The following NRXN3 variants were observed in gnomAD, a reference collection of about 807,000 sequenced individuals.
The protein encoded by NRXN3 is neurexin 3, also known as neurexin III.
In NRXN3, 32 loss-of-function variants were observed where a neutral mutation model predicts 137.6. The ratio of observed to expected loss-of-function variants is 0.23; its 90% CI spans 0.18 to 0.31. The LOEUF (loss-of-function observed/expected upper bound fraction) is 0.31. Among genes scored for constraint, NRXN3 ranks in the 10% least tolerant of loss-of-function variants. The pLI, the probability that NRXN3 is intolerant of heterozygous loss-of-function variation, is 1.00. For synonymous variants in NRXN3, 798 were observed against 784.5 expected, an observed-to-expected ratio of 1.02 and a Z score of -0.29; for missense variants, 1,574 against 2,062.5, an observed-to-expected ratio of 0.76 and a Z score of 4.59.
rs577635016 is a variant in NRXN3 at position 78,544,410 on chromosome 14, T to C, written c.758-100710T>C. ...CTGCCCACAGTGAAAAGTAGCACCATGGACATCAAAGTGAACAAACCCCTG... is the reference window on the plus strand; with the variant it reads ...CTGCCCACAGTGAAAAGTAGCACCACGGACATCAAAGTGAACAAACCCCTG... On this transcript the variant is annotated intron_variant, in intron 4 of 20. Transcript: ENST00000335750. 2.0e-5 allele frequency among the ~76,000 whole-genome samples: 3 copies of C among 152,302 alleles called. No individual in the cohort carries two copies. The East Asian group carries it at 5.8e-4, about 29-fold the overall frequency.
chr14:79,316,581 T>G lies in NRXN3; in HGVS notation c.3263-150640T>G, dbSNP rs2088744149. Among the ~76,000 whole-genome samples the G allele has an allele frequency of 2.6e-5, 4 of 152,210 alleles. 1 individual carries two copies. In the South Asian group the frequency reaches 8.3e-4, roughly 32 times the overall value. On this transcript the variant is annotated intron_variant, in intron 15 of 20. Transcript: ENST00000335750. ...TCATCATCTATTTATGCAAGTATTT[T>G]AACATTTTAATAATTGATACAGTTA...
At position 78,896,772 on chromosome 14, in the gene NRXN3, T is replaced by C. The variant is rs2099176708; in HGVS notation, c.2276-60470T>C. Among the ~76,000 whole-genome samples, 3 of 151,888 alleles carry C rather than the reference T, an allele frequency of 2.0e-5. No individual in the cohort carries two copies. In the South Asian group the frequency reaches 6.2e-4, roughly 31 times the overall value. ...ATAAGTTGGAAAGAGGAGAGGAACATTATGGGCAGAGCAAACAGCATAGAA... is the reference window on the plus strand; with the variant it reads ...ATAAGTTGGAAAGAGGAGAGGAACACTATGGGCAGAGCAAACAGCATAGAA... On this transcript the variant is annotated intron_variant, in intron 10 of 20. Transcript: ENST00000335750.
At chr14:78,632,365 G>A (rs1261786856) in intron 4 of NRXN3, among the ~76,000 whole-genome samples, 2 of 152,024 alleles carry the variant, frequency 1.3e-5, no homozygotes, top group African/African-American at 4.8e-5. Flanking sequence ...ATCAGATAAT[G>A]TATGTGAAAG....
chr14:78,912,090 T>C (rs530640320), intron 10 of NRXN3, among the ~76,000 whole-genome samples: 1 of 151,140 alleles, frequency 6.6e-6, no homozygotes, highest in Non-Finnish European at 1.5e-5. Flanking sequence ...CCCACAACAG[T>C]CCCCGGTGTG....
intron 16 of NRXN3, among the ~76,000 whole-genome samples, chr14:79,494,470 CAT>C (rs960758791): frequency 6.6e-5 from 10 of 152,282 alleles, no homozygotes; most frequent in African/African-American, 2.4e-4. Context: ...TTTCATTAAA[CAT>C]GGTCATCCTC....
chr14:78,922,142 C>T (rs1312640759), intron 10 of NRXN3, among the ~76,000 whole-genome samples: 2 of 152,084 alleles, frequency 1.3e-5, no homozygotes, highest in African/African-American at 4.8e-5. Flanking sequence ...TTCTTTTCTC[C>T]AAATAAGGCA....
Position 78,631,233 on chromosome 14 carries a change from A to G in NRXN3, c.758-13887A>G, listed in dbSNP as rs189937048. 2.0e-5 allele frequency among the ~76,000 whole-genome samples: 3 copies of G among 152,300 alleles called. No homozygotes were observed. The East Asian group carries it at 5.8e-4, about 29-fold the overall frequency. ...GATACCTACATGGAGATTTCACTAC[A>G]TCTGGCAGGGATGAGCCACCGGTCC... On this transcript the variant is annotated intron_variant, in intron 4 of 20. Coordinates refer to ENST00000335750, the MANE Select transcript of NRXN3 (RefSeq NM_001330195.2).
chr14:78,754,835 C>CTTT (rs36056842), intron 8 of NRXN3, among the ~76,000 whole-genome samples: 1,528 of 143,294 alleles, frequency 0.011, 35 homozygotes, highest in African/African-American at 0.034. Context: ...TCAGTATACA[C>CTTT]TTTTTTTTTT....
chr14:78,405,884 C>G (rs1195713372), intron 4 of NRXN3, among the ~76,000 whole-genome samples: 1 of 152,162 alleles, frequency 6.6e-6, no homozygotes, highest in African/African-American at 2.4e-5. Flanking sequence ...ACTCTGCTAC[C>G]CACATAGCAG....
At chr14:78,816,993 G>T (rs974706489) in intron 10 of NRXN3, among the ~76,000 whole-genome samples, 11 of 152,190 alleles carry the variant, frequency 7.2e-5, no homozygotes, top group Admixed American at 5.2e-4. Flanking sequence ...ATAGCAATCT[G>T]CTGTAGCAAC....
At chr14:78,607,691 C>T (rs1023427650) in intron 4 of NRXN3, among the ~76,000 whole-genome samples, 2 of 152,136 alleles carry the variant, frequency 1.3e-5, no homozygotes, top group African/African-American at 4.8e-5. Flanking sequence ...TGAAACTGAA[C>T]AGTTCCATTC....
intron 4 of NRXN3, among the ~76,000 whole-genome samples, chr14:78,526,181 C>G (rs2096376049): frequency 6.6e-6 from 1 of 152,158 alleles, no homozygotes; most frequent in Admixed American, 6.5e-5. Flanking sequence ...AGAGGAGTAT[C>G]ATATGGGATG....
At chr14:78,452,287 C>T (rs1345250427) in intron 4 of NRXN3, among the ~76,000 whole-genome samples, 1 of 152,126 alleles carries the variant, frequency 6.6e-6, no homozygotes, top group African/African-American at 2.4e-5. Context: ...GCTTGATCTT[C>T]TTATATTTAA....
chr14:79,795,281 A>C (rs1440838235), intron 19 of NRXN3, among the ~76,000 whole-genome samples: 1 of 152,216 alleles, frequency 6.6e-6, no homozygotes, highest in African/African-American at 2.4e-5. Context: ...TACTAATTGC[A>C]GCCTGGGAAT....
intron 10 of NRXN3, among the ~76,000 whole-genome samples, chr14:78,856,508 T>G (rs2099057452): frequency 1.3e-5 from 2 of 152,216 alleles, no homozygotes; most frequent in African/African-American, 4.8e-5. Flanking sequence ...TCCTTTGTAA[T>G]AGTCAATAGC....
chr14:79,181,666 A>G (rs1319094588), intron 15 of NRXN3, among the ~76,000 whole-genome samples: 1 of 138,576 alleles, frequency 7.2e-6, no homozygotes, highest in Non-Finnish European at 1.5e-5. Flanking sequence ...TGGGCAACAG[A>G]GTGTGACCCT....
At chr14:78,856,428 T>C (rs1469851480) in intron 10 of NRXN3, among the ~76,000 whole-genome samples, 1 of 152,194 alleles carries the variant, frequency 6.6e-6, no homozygotes, top group Non-Finnish European at 1.5e-5. Context: ...AAGTAACTAA[T>C]GTAAATACTT....
chr14:79,138,041 C>T (rs1299717461), intron 15 of NRXN3, among the ~76,000 whole-genome samples: 1 of 151,958 alleles, frequency 6.6e-6, no homozygotes, highest in Non-Finnish European at 1.5e-5. Context: ...AAATGCTTTG[C>T]TAAGCAAATA....
chr14:78,392,865 G>T (rs899521452), intron 4 of NRXN3, among the ~76,000 whole-genome samples: 8 of 152,010 alleles, frequency 5.3e-5, no homozygotes, highest in African/African-American at 1.4e-4. Flanking sequence ...ATAAATTTTG[G>T]GTACTAGCTT....
Sources: gnomAD v4.1 joint callset for allele counts (sites outside exome capture counted in the v4.1 genomes callset) on GRCh38, gnomAD v4.1.1 for gene constraint, MANE v1.5 for transcripts, NCBI Gene and HGNC (gene_info 2026-07-23, HGNC 2026-07-21) for gene names.